The following HS6ST1 variants were observed in gnomAD, a reference collection of about 807,000 sequenced individuals.
HS6ST1 encodes the protein heparan sulfate 6-O-sulfotransferase 1, also known as heparan-sulfate 6-O-sulfotransferase 1.
Under a neutral mutation model 25.2 loss-of-function variants are expected in HS6ST1, and 3 were observed. The ratio of observed to expected loss-of-function variants is 0.12; its 90% CI spans 0.05 to 0.31. HS6ST1 has a LOEUF of 0.31. HS6ST1 is among the 10% of genes least tolerant of loss of function. The pLI is 1.00. For synonymous variants in HS6ST1, 204 were observed against 275.1 expected, an observed-to-expected ratio of 0.74 and a Z score of 2.56; for missense variants, 310 against 609.6, an observed-to-expected ratio of 0.51 and a Z score of 5.18.
chr2:128,280,553 C>A (rs560140694), intron 1 of HS6ST1, among the ~76,000 whole-genome samples: 156 of 152,350 alleles, frequency 1.0e-3, no homozygotes, highest in African/African-American at 3.4e-3. Flanking sequence ...CAGGCAGCCC[C>A]TCCCCTCTGC....
At chr2:128,272,353 AC>A (rs1336261861) in intron 1 of HS6ST1, among the ~76,000 whole-genome samples, 1 of 152,148 alleles carries the variant, frequency 6.6e-6, no homozygotes, top group Non-Finnish European at 1.5e-5. Context: ...CACCTTTAAG[AC>A]CCAGCTCAAA....
At chr2:128,307,515 C>T (rs550023181) in intron 1 of HS6ST1, among the ~76,000 whole-genome samples, 3 of 152,278 alleles carry the variant, frequency 2.0e-5, no homozygotes, top group East Asian at 3.9e-4. Flanking sequence ...AGGAGAGAAG[C>T]GGGGAGCATG....
chr2:128,294,098 T>G (rs1693999928), intron 1 of HS6ST1, among the ~76,000 whole-genome samples: 1 of 152,032 alleles, frequency 6.6e-6, no homozygotes, highest in Non-Finnish European at 1.5e-5. Flanking sequence ...GCCCAGACCC[T>G]CTGCTGGAAA....
intron 1 of HS6ST1, 76 bp downstream of exon 1, chr2:128,317,961 C>T (rs927531132): frequency 1.5e-6 from 2 of 1,377,268 alleles, no homozygotes; most frequent in Admixed American, 7.6e-5. Flanking sequence ...CAGGGCCGAC[C>T]CAGTACAGCA....
At chr2:128,289,263 C>T (rs1262322710) in intron 1 of HS6ST1, among the ~76,000 whole-genome samples, 1 of 152,186 alleles carries the variant, frequency 6.6e-6, no homozygotes, top group Non-Finnish European at 1.5e-5. Context: ...CCTGGGGACT[C>T]GGGAATGCTG....
chr2:128,315,878 C>T (rs574583950), intron 1 of HS6ST1, among the ~76,000 whole-genome samples: 1 of 152,208 alleles, frequency 6.6e-6, no homozygotes, highest in Non-Finnish European at 1.5e-5. Flanking sequence ...GGAGTGGAGG[C>T]GGAGAAGAGG....
At chr2:128,285,498 C>G (rs1693847250) in intron 1 of HS6ST1, among the ~76,000 whole-genome samples, 3 of 152,264 alleles carry the variant, frequency 2.0e-5, no homozygotes, top group Non-Finnish European at 4.4e-5. Context: ...AGCTGCTCAC[C>G]TGGATGCCTG....
At chr2:128,309,803 T>A (rs193286476) in intron 1 of HS6ST1, among the ~76,000 whole-genome samples, 181 of 152,312 alleles carry the variant, frequency 1.2e-3, no homozygotes, top group African/African-American at 4.2e-3. Context: ...AGTCTCCCCA[T>A]GGCACGCGGA....
At chr2:128,278,269 C>T (rs1178406367) in intron 1 of HS6ST1, among the ~76,000 whole-genome samples, 1 of 152,258 alleles carries the variant, frequency 6.6e-6, no homozygotes, top group Non-Finnish European at 1.5e-5. Flanking sequence ...GTCTCCTCTG[C>T]CTTCGAGTGC....
intron 1 of HS6ST1, among the ~76,000 whole-genome samples, chr2:128,285,164 T>C (rs1209738795): frequency 6.6e-6 from 1 of 152,226 alleles, no homozygotes; most frequent in Non-Finnish European, 1.5e-5. Flanking sequence ...TCTAGCCTGT[T>C]TTCCAGTAAG....
chr2:128,272,764 T>C (rs80018307), intron 1 of HS6ST1, among the ~76,000 whole-genome samples: 5,584 of 152,272 alleles, frequency 0.037, 166 homozygotes, highest in Admixed American at 0.06. Context: ...AATTTACTCT[T>C]TGGTTTCTGA....
rs546617689 is a variant in HS6ST1, at chr2:128,273,729, T to C, written c.528-4859A>G. On this transcript the variant is annotated intron_variant, in intron 1 of 1. Coordinates refer to ENST00000259241, the MANE Select transcript of HS6ST1 (RefSeq NM_004807.3). ...CCTGTGCTCCGTCCTCTTTCCTCCATTGCATGCGTTGCCAGACGCATCTGC... is the reference window on the plus strand; with the variant it reads ...CCTGTGCTCCGTCCTCTTTCCTCCACTGCATGCGTTGCCAGACGCATCTGC... 7.2e-5 allele frequency among the ~76,000 whole-genome samples: 11 copies of C among 152,356 alleles called. No homozygotes were observed. The East Asian group carries it at 2.1e-3, about 29-fold the overall frequency.
Position 128,318,417 on chromosome 2 carries a change from C to T in HS6ST1, c.147G>A (p.Ala49=), listed in dbSNP as rs541048846. ...GLSLGAPGGR[A]PPDDLDLFPT... The stretch of plus-strand genomic sequence containing the variant: ...GGAACAGGTCCAGGTCGTCGGGCGG[C>T]GCGCGGCCGCCGGGCGCGCCCAGGC... Residue 49 remains alanine, a synonymous_variant, in exon 1 of 2, where the codon GCG becomes GCA. Coordinates refer to ENST00000259241, the MANE Select transcript of HS6ST1 (RefSeq NM_004807.3). This position sits in a 1 kb window ranked among gnomAD's most constrained non-coding sequence, Gnocchi z 5.7. 135 of 1,601,548 alleles carry T rather than the reference C, an allele frequency of 8.4e-5. 1 individual carries two copies. In the South Asian group the frequency reaches 1.4e-3, roughly 17 times the overall value.
At chr2:128,306,916 G>C (rs1694220572) in intron 1 of HS6ST1, among the ~76,000 whole-genome samples, 1 of 152,158 alleles carries the variant, frequency 6.6e-6, no homozygotes, top group South Asian at 2.1e-4. Flanking sequence ...TCACTGTCAT[G>C]GGGGGAGGCT....
At chr2:128,297,693 G>C (rs1053615564) in intron 1 of HS6ST1, among the ~76,000 whole-genome samples, 3 of 152,140 alleles carry the variant, frequency 2.0e-5, no homozygotes, top group African/African-American at 4.8e-5. Flanking sequence ...AATTAGCTGG[G>C]CGTGGTGGCA....
At chr2:128,302,966 C>CCCCTCCT (rs1207762150) in intron 1 of HS6ST1, among the ~76,000 whole-genome samples, 1 of 152,246 alleles carries the variant, frequency 6.6e-6, no homozygotes, top group Non-Finnish European at 1.5e-5. Context: ...CTGCCTGCAA[C>CCCCTCCT]GCCCTCCTGT....
intron 1 of HS6ST1, among the ~76,000 whole-genome samples, chr2:128,303,702 G>C (rs1694167977): frequency 1.3e-5 from 2 of 152,198 alleles, no homozygotes; most frequent in African/African-American, 2.4e-5. Flanking sequence ...GAAATAAATG[G>C]CTGAGGCTCC....
chr2:128,300,390 T>C (rs1461572606), intron 1 of HS6ST1, among the ~76,000 whole-genome samples: 1 of 152,182 alleles, frequency 6.6e-6, no homozygotes, highest in Non-Finnish European at 1.5e-5. Context: ...TGGGCCATGC[T>C]GGTGACCAGG....
Position 128,268,230 on chromosome 2 carries a change from C to T in HS6ST1, c.1168G>A (p.Glu390Lys). 6.2e-7 allele frequency: 1 copy of T among 1,610,762 alleles called. No homozygotes were observed. Among genetic ancestry groups the T allele is most frequent in the South Asian group, 1.1e-5 (1 of 90,976 alleles). The change falls in exon 2 of 2, where the codon GAG becomes AAG. Residue 390 changes from glutamate (E) to lysine (K), a missense_variant. Physicochemically the swap from Glu to Lys is moderately conservative, Grantham distance 56 (BLOSUM62 1). Coordinates refer to ENST00000259241, the MANE Select transcript of HS6ST1 (RefSeq NM_004807.3). Reference protein sequence around the residue: ...LHRAKEALPREDADEPGRVPT... With the variant: ...LHRAKEALPRKDADEPGRVPT... ...ACGCGGCCCGGCTCGTCGGCATCCT[C>T]CCGCGGCAGTGCCTCCTTGGCCCGG... is the stretch of plus-strand genomic sequence containing the variant.
Sources: allele counts gnomAD v4.1 joint callset (sites outside exome capture counted in the v4.1 genomes callset), GRCh38; gene constraint gnomAD v4.1.1; non-coding constraint Gnocchi (gnomAD v3.1); transcripts MANE v1.5; gene names NCBI Gene and HGNC (gene_info 2026-07-23, HGNC 2026-07-21).